Variants in TPO observed in about 807,000 individuals in gnomAD.
The protein encoded by TPO is thyroid peroxidase.
TPO carries 78 observed loss-of-function variants against 96.9 expected under a neutral mutation model. The ratio of observed to expected loss-of-function variants is 0.81; its 90% CI spans 0.67 to 0.97. TPO has a LOEUF of 0.97. Among genes scored for constraint, TPO ranks in the 50% least tolerant of loss-of-function variants. The probability of loss-of-function intolerance (pLI) is 0.00; values close to 1 mark genes in which losing one functional copy is unlikely to be tolerated. For synonymous variants in TPO, 547 were observed against 538.0 expected (o/e 1.02, Z -0.23); for missense variants, 1,252 against 1,274.8 (o/e 0.98, Z 0.27).
At chr2:1,377,351 A>G (rs191270983) in intron 1 of TPO, among the ~76,000 whole-genome samples, 9 of 152,336 alleles carry the variant, frequency 5.9e-5, no homozygotes, top group Admixed American at 4.6e-4. Context: ...ACAGGGAGCC[A>G]TGGCCCTTTT....
chr2:1,423,396 G>A (rs556364754), intron 3 of TPO, among the ~76,000 whole-genome samples: 5 of 152,292 alleles, frequency 3.3e-5, no homozygotes, highest in African/African-American at 4.8e-5. Flanking sequence ...AGAGGCTGAC[G>A]TCCTGATAGC....
At chr2:1,415,709 G>A (rs1312587119) in intron 2 of TPO, among the ~76,000 whole-genome samples, 1 of 152,232 alleles carries the variant, frequency 6.6e-6, no homozygotes, top group Middle Eastern at 3.2e-3. Context: ...TGGGGCCATG[G>A]CACAGCACTG....
In TPO at chr2:1,493,984, C is replaced by T. The variant is rs749796672; in HGVS notation, c.1951C>T (p.Pro651Ser). The change falls in exon 11 of 17, where the codon CCC becomes TCC. Residue 651 changes from proline to serine, a missense_variant. Physicochemically the swap from Pro to Ser is moderately conservative, Grantham distance 74. Coordinates refer to ENST00000329066, the MANE Select transcript of TPO (RefSeq NM_001206744.2). ...ENFLPRARTG[P>S]LFACLIGKQM... The stretch of plus-strand genomic sequence containing the variant: ...CTTCCTCCCCAGGGCTCGGACAGGG[C>T]CCCTGTTTGCCTGTCTCATTGGGAA... 6.2e-7 allele frequency: 1 copy of T among 1,614,164 alleles called. No homozygotes were observed. Among genetic ancestry groups the T allele is most frequent in the Non-Finnish European group, 8.5e-7 (1 of 1,180,030 alleles).
At chr2:1,390,903 T>C (rs186691656) in intron 1 of TPO, among the ~76,000 whole-genome samples, 277 of 152,334 alleles carry the variant, frequency 1.8e-3, no homozygotes, top group African/African-American at 6.3e-3. Flanking sequence ...TAAATTTGTT[T>C]GCATTCTTTG....
Position 1,490,391 on chromosome 2 carries a change from C to T in TPO, c.1768+2400C>T, listed in dbSNP as rs1185050350. ...CGTGGGTCCCACACAGGGGGAGTCA[C>T]GACACAGCAGTGTAAGAGCCGCCAC... On this transcript the variant is annotated intron_variant, in intron 10 of 16. Transcript: ENST00000329066. Among the ~76,000 whole-genome samples the T allele has an allele frequency of 2.0e-4, 13 of 65,096 alleles. 1 individual carries two copies. Among genetic ancestry groups the T allele is most frequent in the South Asian group, 9.8e-4 (1 of 1,022 alleles). The allele number at this position is 65,096 out of a possible 152,430, so 42.7% of individuals were successfully genotyped here. A position where few individuals can be genotyped will look rare whatever the true frequency, so the allele number is the denominator to read the frequency against.
upstream of TPO, among the ~76,000 whole-genome samples, chr2:1,412,350 G>A (rs1231678919): frequency 6.6e-6 from 1 of 152,060 alleles, no homozygotes; most frequent in African/African-American, 2.4e-5. Context: ...CCTCTTTAAT[G>A]AGCCACCGAG....
At chr2:1,405,275 TCACA>T (rs770621793) in intron 1 of TPO, among the ~76,000 whole-genome samples, 1 of 148,154 alleles carries the variant, frequency 6.7e-6, no homozygotes, top group Admixed American at 6.7e-5. Context: ...CATTAATCAC[TCACA>T]CACACATCCA....
chr2:1,421,663 A>G (rs936431584), intron 2 of TPO, among the ~76,000 whole-genome samples: 1 of 152,210 alleles, frequency 6.6e-6, no homozygotes, highest in East Asian at 1.9e-4. Context: ...GAGGAAAATA[A>G]AGGAAAATTC....
intron 14 of TPO, among the ~76,000 whole-genome samples, chr2:1,510,897 A>G (rs1674035632): frequency 6.6e-6 from 1 of 152,250 alleles, no homozygotes; most frequent in South Asian, 2.1e-4. Context: ...AGATATAGAT[A>G]TAAATTTACA....
In TPO at chr2:1,496,455, C is replaced by T. The variant is rs953416098; in HGVS notation, c.2216-140C>T. On this transcript the variant is annotated intron_variant, in intron 12 of 16. Transcript: ENST00000329066. ...AGAGGCCGTGTGTGCTGCGTGGGTG[C>T]TCAGTGAGTGACCACAGCAGGGCTC... 6 of 1,245,850 alleles carry T rather than the reference C, an allele frequency of 4.8e-6. No individual in the cohort carries two copies. In the African/African-American group the frequency reaches 7.3e-5, roughly 15 times the overall value. The allele number at this position is 1,245,850 out of a possible 1,614,324, so 77.2% of individuals were successfully genotyped here. A position where few individuals can be genotyped will look rare whatever the true frequency, so the allele number is the denominator to read the frequency against.
chr2:1,452,476 G>A (rs778016203), intron 5 of TPO, among the ~76,000 whole-genome samples: 4 of 152,112 alleles, frequency 2.6e-5, no homozygotes, highest in Non-Finnish European at 4.4e-5. Flanking sequence ...GGAATTATAC[G>A]GTTGCCCTAC....
intron 7 of TPO, among the ~76,000 whole-genome samples, chr2:1,460,228 G>A (rs1372365497): frequency 6.6e-6 from 1 of 152,116 alleles, no homozygotes; most frequent in African/African-American, 2.4e-5. Context: ...GAGCCACTGT[G>A]CCTGGCCCTA....
rs766155637 is a variant in TPO, at chr2:1,503,818, T to A, written c.2387-130T>A. 3.9e-6 allele frequency: 6 copies of A among 1,554,802 alleles called. No individual in the cohort carries two copies. The South Asian group carries it at 6.9e-5, about 18-fold the overall frequency. ...GGAGCAGGGGGCGGCCGGTTCCCCCTAGACCAGGTGGGATGGCAGGCAAAG... is the reference window on the plus strand; with the variant it reads ...GGAGCAGGGGGCGGCCGGTTCCCCCAAGACCAGGTGGGATGGCAGGCAAAG... On this transcript the variant is annotated intron_variant, in intron 13 of 16. Coordinates refer to ENST00000329066, the MANE Select transcript of TPO (RefSeq NM_001206744.2).
intron 15 of TPO, among the ~76,000 whole-genome samples, chr2:1,533,089 C>G (rs535656426): frequency 1.5e-3 from 214 of 145,466 alleles, no homozygotes; most frequent in African/African-American, 5.6e-3. Flanking sequence ...GAGCAACCTC[C>G]TCAAATCTCT....
chr2:1,473,458 T>C (rs572854242), intron 7 of TPO, among the ~76,000 whole-genome samples: 1 of 152,312 alleles, frequency 6.6e-6, no homozygotes, highest in Admixed American at 6.5e-5. Flanking sequence ...CCTTATAGTA[T>C]ATCCTATTAT....
intron 7 of TPO, 85 bp from the exon 8 acceptor site, chr2:1,477,001 G>A (rs941902219): frequency 1.0e-5 from 15 of 1,489,792 alleles, no homozygotes; most frequent in South Asian, 2.6e-5. Flanking sequence ...CGGCGCTGCG[G>A]GGTCGTCGCC....
intron 4 of TPO, among the ~76,000 whole-genome samples, chr2:1,435,257 A>G (rs1311009377): frequency 6.6e-6 from 1 of 152,030 alleles, no homozygotes; most frequent in Admixed American, 6.6e-5. Flanking sequence ...ATCGCACATG[A>G]TTTGTTGTCT....
At chr2:1,380,602 G>C (rs977661317) in intron 1 of TPO, among the ~76,000 whole-genome samples, 4 of 152,030 alleles carry the variant, frequency 2.6e-5, no homozygotes, top group African/African-American at 9.7e-5. Context: ...ACACTCCCCA[G>C]TTTTCAGCAA....
chr2:1,459,818 T>A (rs1391715715), intron 7 of TPO, among the ~76,000 whole-genome samples: 1 of 152,208 alleles, frequency 6.6e-6, no homozygotes, highest in Admixed American at 6.5e-5. Flanking sequence ...TCTCTCTCTC[T>A]CACACGCTGG....
Sources: allele counts gnomAD v4.1 joint callset (sites outside exome capture counted in the v4.1 genomes callset), GRCh38; gene constraint gnomAD v4.1.1; transcripts MANE v1.5; gene names NCBI Gene and HGNC (gene_info 2026-07-23, HGNC 2026-07-21).